Variants in RAB38 observed in about 807,000 individuals in gnomAD.
RAB38 encodes the protein ras-related protein Rab-38.
RAB38 carries 15 observed loss-of-function variants against 18.4 expected under a neutral mutation model. The ratio of observed to expected loss-of-function variants is 0.82; its 90% CI spans 0.55 to 1.26. The LOEUF is 1.26. Ranked by LOEUF, RAB38 falls within the 50% of genes most tolerant of loss-of-function variation. The pLI is 0.00. For synonymous variants in RAB38, 101 were observed against 104.4 expected (o/e 0.97, Z 0.20); for missense variants, 294 against 267.4 (o/e 1.10, Z -0.69).
intron 2 of RAB38, among the ~76,000 whole-genome samples, chr11:88,138,045 C>G (rs1022769746): frequency 4.6e-5 from 7 of 152,122 alleles, no homozygotes; most frequent in Non-Finnish European, 1.0e-4. Flanking sequence ...CAGCAGGAGG[C>G]TATGTTCCAG....
the RAB38 span, among the ~76,000 whole-genome samples, chr11:88,030,923 C>CA: frequency 6.6e-6 from 1 of 150,636 alleles, no homozygotes; most frequent in Admixed American, 6.6e-5. Flanking sequence ...GAGACACAAC[C>CA]AAAAAAGAGA....
chr11:88,113,529 T>G lies in RAB38; in HGVS notation c.*459A>C. 6.2e-6 allele frequency: 1 copy of G among 162,062 alleles called. No individual in the cohort carries two copies. Among genetic ancestry groups the G allele is most frequent in the East Asian group, 1.7e-4 (1 of 5,898 alleles). 10.0% of individuals were successfully genotyped at this position (162,062 alleles called of 1,614,324 possible). A position where few individuals can be genotyped will look rare whatever the true frequency, so the allele number is the denominator to read the frequency against. On this transcript the variant is annotated 3_prime_UTR_variant, in exon 3 of 3. Transcript: ENST00000243662. ...CTCTTAGGTCTGCCGAGAATGGAGG[T>G]CATCTTGGGAGAAAATATCACATCT...
chr11:87,858,445 C>T, the RAB38 span, among the ~76,000 whole-genome samples: 1 of 152,036 alleles, frequency 6.6e-6, no homozygotes, highest in Non-Finnish European at 1.5e-5. Flanking sequence ...AGGAGGGTAG[C>T]CTGTCAAGCA....
the RAB38 span, among the ~76,000 whole-genome samples, chr11:87,977,698 G>A: frequency 3.7e-5 from 4 of 108,896 alleles, no homozygotes; most frequent in East Asian, 8.5e-4. Context: ...ATAATATATA[G>A]GGATATATTA....
chr11:87,895,309 A>C, the RAB38 span, among the ~76,000 whole-genome samples: 1 of 151,660 alleles, frequency 6.6e-6, no homozygotes, highest in Non-Finnish European at 1.5e-5. Context: ...CTTGGTGTCA[A>C]ATACAGTACA....
the RAB38 span, among the ~76,000 whole-genome samples, chr11:87,819,882 A>G: frequency 6.6e-6 from 1 of 151,774 alleles, no homozygotes; most frequent in Admixed American, 6.6e-5. Flanking sequence ...CTCTAAGCCT[A>G]TTAAGGAAGA....
At chr11:87,863,493 G>A in the RAB38 span, among the ~76,000 whole-genome samples, 1 of 151,684 alleles carries the variant, frequency 6.6e-6, no homozygotes, top group African/African-American at 2.4e-5. Flanking sequence ...ACAACCACTG[G>A]GTGGTGAAAA....
At chr11:87,859,490 T>A in the RAB38 span, among the ~76,000 whole-genome samples, 1 of 152,034 alleles carries the variant, frequency 6.6e-6, no homozygotes, top group Admixed American at 6.6e-5. Flanking sequence ...GGTTGGAGGT[T>A]TGTGATTGTT....
At chr11:87,945,351 A>G in the RAB38 span, among the ~76,000 whole-genome samples, 1 of 152,150 alleles carries the variant, frequency 6.6e-6, no homozygotes. Flanking sequence ...ATCTCACTCT[A>G]ATAAATAAAG....
At chr11:87,846,405 G>T in the RAB38 span, among the ~76,000 whole-genome samples, 2 of 151,918 alleles carry the variant, frequency 1.3e-5, no homozygotes, top group Non-Finnish European at 1.5e-5. Context: ...GGGGAGAATC[G>T]ATATGAAAGA....
At chr11:88,089,261 G>A in the RAB38 span, among the ~76,000 whole-genome samples, 1 of 151,806 alleles carries the variant, frequency 6.6e-6, no homozygotes, top group Admixed American at 6.6e-5. Flanking sequence ...GGGGCTTAAA[G>A]CAGCCATTAG....
chr11:87,946,661 A>ATAGTT, the RAB38 span, among the ~76,000 whole-genome samples: 1 of 151,960 alleles, frequency 6.6e-6, no homozygotes, highest in Non-Finnish European at 1.5e-5. Flanking sequence ...TGTCCTTGCA[A>ATAGTT]TAGTTTGCTG....
the RAB38 span, among the ~76,000 whole-genome samples, chr11:87,949,842 G>A: frequency 6.6e-6 from 1 of 152,168 alleles, no homozygotes; most frequent in South Asian, 2.1e-4. Flanking sequence ...GGTGTGGTGT[G>A]GTGCTGAGAA....
the RAB38 span, among the ~76,000 whole-genome samples, chr11:88,070,212 G>C: frequency 6.6e-6 from 1 of 152,162 alleles, no homozygotes; most frequent in African/African-American, 2.4e-5. Context: ...AAACCCACTA[G>C]GAGGAATGAA....
intron 1 of RAB38, chr11:88,167,185 T>C (rs187390493): frequency 6.6e-6 from 1 of 152,280 alleles, no homozygotes; most frequent in East Asian, 1.9e-4. Context: ...ATAGGAGTTA[T>C]CTATGTTAAC....
At chr11:88,048,462 A>T in the RAB38 span, among the ~76,000 whole-genome samples, 1 of 152,182 alleles carries the variant, frequency 6.6e-6, no homozygotes, top group Non-Finnish European at 1.5e-5. Flanking sequence ...GGTCTTTTAA[A>T]GACACACCTC....
the RAB38 span, among the ~76,000 whole-genome samples, chr11:88,020,112 G>C: frequency 2.0e-5 from 3 of 152,114 alleles, no homozygotes; most frequent in Non-Finnish European, 2.9e-5. Context: ...TGAAGATATT[G>C]ACAAGTAACT....
the RAB38 span, among the ~76,000 whole-genome samples, chr11:88,038,317 C>G: frequency 6.6e-6 from 1 of 152,174 alleles, no homozygotes; most frequent in Non-Finnish European, 1.5e-5. Flanking sequence ...AGAACCCAAG[C>G]TCAGAGCAAT....
chr11:87,854,280 T>C, the RAB38 span, among the ~76,000 whole-genome samples: 3 of 152,330 alleles, frequency 2.0e-5, no homozygotes, highest in East Asian at 5.8e-4. Flanking sequence ...AATTAGCTAA[T>C]ATTCTATACA....
Sources: gnomAD v4.1 joint callset for allele counts (sites outside exome capture counted in the v4.1 genomes callset) on GRCh38, gnomAD v4.1.1 for gene constraint, MANE v1.5 for transcripts, NCBI Gene and HGNC (gene_info 2026-07-23, HGNC 2026-07-21) for gene names.